The following SART3 variants were observed in gnomAD, a reference collection of about 807,000 sequenced individuals.
The protein encoded by SART3 is HIV-1 Tat-interacting protein of 110kDa.
SART3 carries 44 observed loss-of-function variants against 122.3 expected under a neutral mutation model. The observed-to-expected ratio is 0.36, with a 90% confidence interval of 0.28 to 0.46. SART3 has a LOEUF of 0.46. SART3 is among the 20% of genes least tolerant of loss of function. The pLI, the probability that SART3 is intolerant of heterozygous loss-of-function variation, is 1.00. For synonymous variants in SART3, 442 were observed against 454.0 expected (o/e 0.97, Z 0.34); for missense variants, 1,101 against 1,229.0 (o/e 0.90, Z 1.56).
intron 18 of SART3, chr12:108,524,108 A>G (rs1872256721): frequency 1.6e-6 from 1 of 610,182 alleles, no homozygotes; most frequent in East Asian, 2.7e-5. Context: ...TAAATTGGCC[A>G]GTACCAGGCA....
At chr12:108,559,054 A>AAAAAAAAAG (rs2030358419) in intron 1 of SART3, among the ~76,000 whole-genome samples, 1 of 150,802 alleles carries the variant, frequency 6.6e-6, no homozygotes, top group African/African-American at 2.4e-5. Context: ...AAAAAAAAAA[A>AAAAAAAAAG]AAAAAAAGTA....
chr12:108,557,983 G>GT (rs2030303790), intron 1 of SART3, among the ~76,000 whole-genome samples: 2 of 151,968 alleles, frequency 1.3e-5, no homozygotes, highest in Non-Finnish European at 2.9e-5. Context: ...GGGCAACATA[G>GT]TAAGAACCCA....
At chr12:108,531,083 ATAAT>A (rs1872660438) in intron 14 of SART3, 117 bp downstream of exon 14, 2 of 725,172 alleles carry the variant, frequency 2.8e-6, no homozygotes, top group African/African-American at 3.6e-5. Flanking sequence ...TAAATATTTT[ATAAT>A]TAATACTGAG....
intron 1 of SART3, among the ~76,000 whole-genome samples, chr12:108,556,942 C>T (rs2030243880): frequency 6.6e-6 from 1 of 152,156 alleles, no homozygotes; most frequent in Admixed American, 6.5e-5. Context: ...CACATGAACA[C>T]CATGTGTGGA....
chr12:108,549,472 G>A (rs924077812), intron 1 of SART3: 16 of 461,766 alleles, frequency 3.5e-5, no homozygotes, highest in Non-Finnish European at 5.9e-5. Context: ...TGGAAATAAA[G>A]GAGGCATTCT....
At chr12:108,528,482 CAA>C (rs398039961) in intron 15 of SART3, among the ~76,000 whole-genome samples, 8 of 98,466 alleles carry the variant, frequency 8.1e-5, no homozygotes, top group Admixed American at 1.2e-4. Context: ...GACTCCCTCT[CAA>C]AAAAAAAAAA....
At position 108,537,548 on chromosome 12, in the gene SART3, A is replaced by T. The variant is rs1358437890; in HGVS notation, c.1249T>A (p.Tyr417Asn). Residue 417 changes from tyrosine to asparagine, a missense_variant, in exon 9 of 19, where the codon TAT becomes AAT. Physicochemically the swap from Tyr to Asn is moderately radical, Grantham distance 143. This residue lies in a region of SART3 where 885 missense variants were observed against 1,080.1 expected (regional missense o/e 0.82). Coordinates refer to ENST00000546815, the MANE Select transcript of SART3 (RefSeq NM_014706.4). ...LNAGFIQATD[Y>N]VEIWQAYLDY... The stretch of plus-strand genomic sequence containing the variant: ...AGGTATGCCTGCCAAATCTCCACAT[A>T]ATCAGTGGCCTGGATGAAGCCGGCA... The T allele has an allele frequency of 2.5e-6, 4 of 1,613,992 alleles. No individual in the cohort carries two copies. In the African/African-American group the frequency reaches 4.0e-5, roughly 16 times the overall value.
At chr12:108,537,272 G>A (rs1872951980) in intron 9 of SART3, 6 of 538,200 alleles carry the variant, frequency 1.1e-5, no homozygotes, top group Admixed American at 3.1e-5. Context: ...TAAAAAGGCT[G>A]GCAGGAGCCA....
At position 108,561,060 on chromosome 12, in the gene SART3, G is replaced by C; in HGVS notation, c.95C>G (p.Ala32Gly). The C allele has an allele frequency of 1.2e-6, 2 of 1,614,112 alleles. No homozygotes were observed. Among genetic ancestry groups the C allele is most frequent in the South Asian group, 2.2e-5 (2 of 91,074 alleles). ...ADGEEDEVKA[A>G]RTRRKVLSRA... The stretch of plus-strand genomic sequence containing the variant: ...CGATAACACCTTCCTCCTTGTCCTA[G>C]CCGCCTTAACCTCATCCTCCTCTCC... The change falls in exon 1 of 19, where the codon GCT (alanine) becomes GGT (glycine). Residue 32 changes from alanine to glycine, a missense_variant. Transcript: ENST00000546815.
At position 108,530,187 on chromosome 12, in the gene SART3, C is replaced by T. The variant is rs745492668; in HGVS notation, c.1870G>A (p.Gly624Arg). 21 of 1,614,068 alleles carry T rather than the reference C, an allele frequency of 1.3e-5. No homozygotes were observed. In the Admixed American group the frequency reaches 1.8e-4, roughly 14 times the overall value. Residue 624 changes from glycine to arginine, a missense_variant, in exon 15 of 19, where the codon GGA (glycine) becomes AGA (arginine). By Grantham distance (125) the Gly-to-Arg change is moderately radical. Around this residue, in one of 2 missense-constraint regions of SART3, gnomAD observed 885 missense variants for 1,080.1 expected, o/e 0.82. Coordinates refer to ENST00000546815, the MANE Select transcript of SART3 (RefSeq NM_014706.4). ...TCTTTCTCATCATCCTCATCTGCTC[C>T]GCGCTTCTCTGGGCCTCTGATCTTT... ...KKKIRGPEKR[G>R]ADEDDEKEWG...
intron 13 of SART3, 164 bp from the exon 14 acceptor site, chr12:108,531,444 C>T (rs1283339715): frequency 3.2e-6 from 2 of 628,478 alleles, no homozygotes; most frequent in East Asian, 2.9e-5. Context: ...AATAGTCCTT[C>T]TAAGTGGGTT....
intron 1 of SART3, among the ~76,000 whole-genome samples, chr12:108,551,044 T>C (rs1303415663): frequency 6.6e-6 from 1 of 152,134 alleles, no homozygotes; most frequent in Non-Finnish European, 1.5e-5. Flanking sequence ...AGGTAGATAA[T>C]GGTAGAGTGG....
rs764328916 is a variant in SART3, at chr12:108,549,071, T to C, written c.439+17A>G. The C allele has an allele frequency of 6.8e-6, 11 of 1,614,004 alleles. No homozygotes were observed. The South Asian group carries it at 9.9e-5, about 14-fold the overall frequency. ...CTTGTTTCTGTTTCTAAAAGCAGCCTGACTGCTGAAGCTTACCTTCAGTCA... is the reference window on the plus strand; with the variant it reads ...CTTGTTTCTGTTTCTAAAAGCAGCCCGACTGCTGAAGCTTACCTTCAGTCA... On this transcript the variant is annotated intron_variant, in intron 2 of 18. Transcript: ENST00000546815.
chr12:108,556,538 T>C (rs2030227615), intron 1 of SART3, among the ~76,000 whole-genome samples: 1 of 152,246 alleles, frequency 6.6e-6, no homozygotes, highest in African/African-American at 2.4e-5. Context: ...TTATGATTCA[T>C]AAAACCTGAG....
intron 1 of SART3, chr12:108,554,131 C>CCCCCCCCCCCGA (rs1555206479): frequency 7.0e-6 from 1 of 143,444 alleles, no homozygotes; most frequent in Non-Finnish European, 1.5e-5. Flanking sequence ...TCAGAGGGCG[C>CCCCCCCCCCCGA]CCCCGGCCCC....
Position 108,537,576 on chromosome 12 carries a change from C to T in SART3, c.1221G>A (p.Leu407=). 1 of 1,613,992 alleles carries T rather than the reference C, an allele frequency of 6.2e-7. No homozygotes were observed. The highest frequency in any genetic ancestry group is 1.3e-5 in the African/African-American group (1 of 75,044). ...QVISVTFEKA[L]NAGFIQATDY... ...CAGTGGCCTGGATGAAGCCGGCATT[C>T]AAAGCTTTCTCGAAGGTTACTGGAG... is the stretch of plus-strand genomic sequence containing the variant. Residue 407 remains leucine, a synonymous_variant, in exon 9 of 19, where the codon TTG becomes TTA. Coordinates refer to ENST00000546815, the MANE Select transcript of SART3 (RefSeq NM_014706.4).
intron 14 of SART3, among the ~76,000 whole-genome samples, chr12:108,530,960 T>C (rs1872656762): frequency 6.6e-6 from 1 of 152,206 alleles, no homozygotes; most frequent in Non-Finnish European, 1.5e-5. Flanking sequence ...TTTCATCAAT[T>C]CTCGTAAATT....
At chr12:108,528,460 G>T (rs1872499834) in intron 15 of SART3, among the ~76,000 whole-genome samples, 1 of 147,502 alleles carries the variant, frequency 6.8e-6, no homozygotes. Context: ...TCCAGCCTGG[G>T]CGACAGAGCG....
chr12:108,524,638 T>A, intron 17 of SART3, 132 bp from the exon 18 acceptor site: 1 of 763,884 alleles, frequency 1.3e-6, no homozygotes, highest in East Asian at 2.6e-5. Context: ...CACCAACAGG[T>A]TACCTTCCCC....
Sources: allele counts gnomAD v4.1 joint callset (sites outside exome capture counted in the v4.1 genomes callset), GRCh38; gene constraint gnomAD v4.1.1; regional missense constraint gnomAD v4.1.1; transcripts MANE v1.5; gene names NCBI Gene and HGNC (gene_info 2026-07-23, HGNC 2026-07-21).